The following CADM2 variants were observed in gnomAD, a reference collection of about 807,000 sequenced individuals.
The protein encoded by CADM2 is cell adhesion molecule 2.
A neutral mutation model predicts 49.8 loss-of-function variants in CADM2; 12 were observed. The ratio of observed to expected loss-of-function variants is 0.24; its 90% CI spans 0.15 to 0.39. The LOEUF is 0.39. Among genes scored for constraint, CADM2 ranks in the 10% least tolerant of loss-of-function variants. The pLI, the probability that CADM2 is intolerant of heterozygous loss-of-function variation, is 1.00. For synonymous variants in CADM2, 214 were observed against 175.4 expected (o/e 1.22, Z -1.74); for missense variants, 378 against 492.3 (o/e 0.77, Z 2.20).
At chr3:85,010,668 T>C (rs2107251245) in intron 1 of CADM2, among the ~76,000 whole-genome samples, 1 of 151,842 alleles carries the variant, frequency 6.6e-6, no homozygotes, top group Admixed American at 6.6e-5. Context: ...TACTTAAACC[T>C]GTCCTTGTTA....
intron 1 of CADM2, among the ~76,000 whole-genome samples, chr3:85,462,970 A>T (rs2107593376): frequency 6.6e-6 from 1 of 152,178 alleles, no homozygotes; most frequent in Non-Finnish European, 1.5e-5. Flanking sequence ...CTGGAAAACC[A>T]TTTTTCATGC....
intron 1 of CADM2, among the ~76,000 whole-genome samples, chr3:85,159,300 A>T (rs1183943992): frequency 1.3e-5 from 2 of 152,156 alleles, no homozygotes; most frequent in African/African-American, 2.4e-5. Flanking sequence ...GAGTTTAAAG[A>T]TGGTGGTCCA....
intron 1 of CADM2, among the ~76,000 whole-genome samples, chr3:85,392,313 T>A (rs2034556048): frequency 6.6e-6 from 1 of 152,100 alleles, no homozygotes; most frequent in South Asian, 2.1e-4. Flanking sequence ...GATGTTGACT[T>A]GAGGCTTTTC....
In CADM2 at chr3:85,802,060, G is replaced by A. The variant is rs762553115; in HGVS notation, c.102G>A (p.Gln34=). Residue 34 remains glutamine, a synonymous_variant, in exon 3 of 10, where the codon CAG becomes CAA. Transcript: ENST00000383699. ...ATCCCCTTTTAGGCAGCCAAGGGCA[G>A]TTTCCACTAACACAGAATGTAACCG... The part of the protein sequence containing the change: ...SKNKVKGSQG[Q]FPLTQNVTVV... 2 of 1,609,382 alleles carry A rather than the reference G, an allele frequency of 1.2e-6. No individual in the cohort carries two copies. The highest frequency in any genetic ancestry group is 3.4e-5 in the Admixed American group (2 of 59,370).
chr3:85,900,991 T>C (rs935711632), intron 5 of CADM2, among the ~76,000 whole-genome samples: 4 of 152,168 alleles, frequency 2.6e-5, no homozygotes, highest in Non-Finnish European at 5.9e-5. Context: ...AATCATATTT[T>C]ACTAAAATTA....
At chr3:85,789,064 A>C (rs986649287) in intron 2 of CADM2, among the ~76,000 whole-genome samples, 5 of 152,126 alleles carry the variant, frequency 3.3e-5, no homozygotes, top group African/African-American at 1.2e-4. Flanking sequence ...AGTTTTTCCC[A>C]GGGACTTCAA....
chr3:85,570,707 C>T (rs61316596), intron 1 of CADM2, among the ~76,000 whole-genome samples: 78,034 of 151,920 alleles, frequency 0.51, 23,064 homozygotes, highest in East Asian at 0.85. Context: ...TCTTATTATC[C>T]AAGGGAAAAA....
rs371257078 is a variant in CADM2 at position 85,741,395 on chromosome 3, C to T, written c.88+14847C>T. On this transcript the variant is annotated intron_variant, in intron 2 of 9. Coordinates refer to ENST00000383699, the MANE Select transcript of CADM2 (RefSeq NM_001167675.2). ...CAAATAAAAAGTTGTCTCAGCCTGG[C>T]GTGGTGGCTCACGTCTCTATTCCCA... Among the ~76,000 whole-genome samples the T allele has an allele frequency of 2.6e-5, 4 of 151,864 alleles. No homozygotes were observed. The South Asian group carries it at 6.2e-4, about 24-fold the overall frequency.
intron 1 of CADM2, among the ~76,000 whole-genome samples, chr3:85,475,119 G>T (rs915647787): frequency 2.6e-5 from 4 of 151,874 alleles, no homozygotes; most frequent in African/African-American, 9.7e-5. Context: ...CATGGAGTCT[G>T]TTTTCTGGTG....
chr3:84,982,717 A>AG, intron 1 of CADM2, among the ~76,000 whole-genome samples: 1 of 112,810 alleles, frequency 8.9e-6, no homozygotes, highest in Non-Finnish European at 2.1e-5. Context: ...ATATATATAT[A>AG]TATATATATA....
At chr3:85,062,238 G>C (rs2036357938) in intron 1 of CADM2, among the ~76,000 whole-genome samples, 1 of 152,070 alleles carries the variant, frequency 6.6e-6, no homozygotes, top group Non-Finnish European at 1.5e-5. Flanking sequence ...AATCAACACT[G>C]TGCTTTACTA....
chr3:85,654,027 A>T (rs2065127786), intron 1 of CADM2, among the ~76,000 whole-genome samples: 1 of 152,250 alleles, frequency 6.6e-6, no homozygotes, highest in Non-Finnish European at 1.5e-5. Flanking sequence ...AAAGCCACTG[A>T]TGGCCTTGAC....
intron 8 of CADM2, among the ~76,000 whole-genome samples, chr3:86,019,315 G>GC (rs2107011591): frequency 7.1e-6 from 1 of 141,458 alleles, no homozygotes; most frequent in Admixed American, 7.2e-5. Flanking sequence ...GTAGCGTGAT[G>GC]CCTCCAGCTT....
chr3:84,969,668 A>T (rs1364804428), intron 1 of CADM2, among the ~76,000 whole-genome samples: 1 of 151,958 alleles, frequency 6.6e-6, no homozygotes, highest in East Asian at 1.9e-4. Context: ...ATTTGCAGTG[A>T]CTTTTCATTT....
At chr3:84,984,374 A>AAAC (rs1372594920) in intron 1 of CADM2, among the ~76,000 whole-genome samples, 3 of 147,206 alleles carry the variant, frequency 2.0e-5, no homozygotes, top group Non-Finnish European at 3.0e-5. Context: ...AAAAAAAAAA[A>AAAC]AAAAAAAAAA....
At chr3:85,048,092 C>T (rs1326538814) in intron 1 of CADM2, among the ~76,000 whole-genome samples, 1 of 151,616 alleles carries the variant, frequency 6.6e-6, no homozygotes, top group Non-Finnish European at 1.5e-5. Flanking sequence ...CAAGGAACTC[C>T]CAATTTATTG....
intron 1 of CADM2, among the ~76,000 whole-genome samples, chr3:85,293,373 G>T (rs536025935): frequency 4.7e-5 from 7 of 149,824 alleles, no homozygotes; most frequent in Non-Finnish European, 8.9e-5. Context: ...GGAGGAACTG[G>T]TACCATTCCT....
chr3:86,026,713 A>G (rs1334982549), intron 8 of CADM2, among the ~76,000 whole-genome samples: 1 of 152,150 alleles, frequency 6.6e-6, no homozygotes, highest in Non-Finnish European at 1.5e-5. Context: ...TACTTGATAC[A>G]AGAGGAGAAT....
At chr3:85,804,586 A>T (rs1335781902) in intron 3 of CADM2, among the ~76,000 whole-genome samples, 1 of 152,214 alleles carries the variant, frequency 6.6e-6, no homozygotes, top group Non-Finnish European at 1.5e-5. Context: ...TTACAGTGAC[A>T]TCTCCAATCG....
Sources: gnomAD v4.1 joint callset for allele counts (sites outside exome capture counted in the v4.1 genomes callset) on GRCh38, gnomAD v4.1.1 for gene constraint, MANE v1.5 for transcripts, NCBI Gene and HGNC (gene_info 2026-07-23, HGNC 2026-07-21) for gene names.